The following SRRM1 variants were observed in gnomAD, a reference collection of about 807,000 sequenced individuals.
The protein encoded by SRRM1 is serine and arginine repetitive matrix 1.
A neutral mutation model predicts 110.2 loss-of-function variants in SRRM1; 19 were observed. The observed-to-expected ratio is 0.17, with a 90% CI of 0.12 to 0.25. The LOEUF (loss-of-function observed/expected upper bound fraction) is 0.25, where lower values mean the gene tolerates loss of function less well. SRRM1 is among the 10% of genes least tolerant of loss of function. SRRM1 has a pLI of 1.00. For synonymous variants in SRRM1, 443 were observed against 414.9 expected (o/e 1.07, Z -0.82); for missense variants, 918 against 1,145.8 (o/e 0.80, Z 2.87).
intron 3 of SRRM1, chr1:24,648,570 G>T (rs1017114778): frequency 8.0e-6 from 2 of 250,676 alleles, no homozygotes; most frequent in Non-Finnish European, 1.5e-5. Context: ...TAAATGTAAG[G>T]CCCACTAACA....
At chr1:24,645,001 T>C (rs963318077) in intron 1 of SRRM1, among the ~76,000 whole-genome samples, 1 of 152,192 alleles carries the variant, frequency 6.6e-6, no homozygotes, top group Non-Finnish European at 1.5e-5. Context: ...AGTTAAAATA[T>C]TTTAGGGTCA....
At chr1:24,666,761 T>TCA (rs1670200969) in intron 12 of SRRM1, 54 bp from the exon 13 acceptor site, 36 of 1,414,688 alleles carry the variant, frequency 2.5e-5, no homozygotes, top group East Asian at 2.2e-4. Context: ...TGAGACGCCA[T>TCA]CACACACACA....
chr1:24,645,907 G>A, intron 1 of SRRM1, 77 bp from the exon 2 acceptor site: 3 of 1,150,050 alleles, frequency 2.6e-6, no homozygotes, highest in Non-Finnish European at 3.8e-6. Flanking sequence ...CCCTATTTTG[G>A]CTATAAAGGT....
At chr1:24,655,204 T>C in intron 9 of SRRM1, 75 bp downstream of exon 9, 1 of 1,494,954 alleles carries the variant, frequency 6.7e-7, no homozygotes, top group Non-Finnish European at 9.2e-7. Flanking sequence ...TGCCCCCTGC[T>C]CACTCTCAAA....
intron 4 of SRRM1, among the ~76,000 whole-genome samples, chr1:24,649,530 A>G (rs1335906362): frequency 2.6e-5 from 4 of 152,140 alleles, no homozygotes; most frequent in Non-Finnish European, 4.4e-5. Context: ...TGTTGGCCAG[A>G]CTTGTCTCGA....
chr1:24,660,201 G>A (rs914406633), intron 9 of SRRM1, among the ~76,000 whole-genome samples: 1 of 152,204 alleles, frequency 6.6e-6, no homozygotes, highest in Non-Finnish European at 1.5e-5. Flanking sequence ...GAGTGTGGGT[G>A]TGGAGGGTGT....
intron 12 of SRRM1, 151 bp downstream of exon 12, chr1:24,662,955 G>GTT (rs1463714517): frequency 1.7e-6 from 2 of 1,170,184 alleles, no homozygotes; most frequent in African/African-American, 3.1e-5. Context: ...GTTTTGTTTT[G>GTT]TTTTTGCTTT....
intron 1 of SRRM1, chr1:24,643,723 A>C: frequency 3.7e-6 from 1 of 271,658 alleles, no homozygotes; most frequent in Non-Finnish European, 6.9e-6. Context: ...GGCCAAAGGA[A>C]AGCCCTAAGG....
intron 4 of SRRM1, 114 bp downstream of exon 4, chr1:24,649,143 A>G: frequency 1.1e-6 from 1 of 950,694 alleles, no homozygotes; most frequent in East Asian, 2.5e-5. Context: ...GCTTTGCTGT[A>G]CTGTATTTAA....
rs895868736 is a variant in SRRM1 at position 24,663,641 on chromosome 1, A to G, written c.1628+837A>G. On this transcript the variant is annotated intron_variant, in intron 12 of 16. Transcript: ENST00000323848. ...AAAACTAGGGAGAAACTTTAGAAAT[A>G]TTAAAAGTGAGAGGATCACGAGGTC... Among the ~76,000 whole-genome samples the G allele has an allele frequency of 3.3e-5, 5 of 152,124 alleles. No homozygotes were observed. In the East Asian group the frequency reaches 5.8e-4, roughly 18 times the overall value.
In SRRM1 at chr1:24,663,032, A is replaced by G. The variant is rs910907529; in HGVS notation, c.1628+228A>G. ...AAACCACCATGTCATATATGTGTGC[A>G]TGATTAGAAAAATAAACCAAACTAT... On this transcript the variant is annotated intron_variant, in intron 12 of 16. Transcript: ENST00000323848. 1.3e-5 allele frequency: 12 copies of G among 910,690 alleles called. No homozygotes were observed. In the African/African-American group the frequency reaches 1.7e-4, roughly 13 times the overall value. 56.4% of individuals were successfully genotyped at this position (910,690 alleles called of 1,614,324 possible).
intron 3 of SRRM1, 151 bp downstream of exon 3, chr1:24,646,940 G>T (rs1658017814): frequency 6.7e-6 from 4 of 597,314 alleles, no homozygotes; most frequent in Admixed American, 3.9e-5. Flanking sequence ...AACTATTAAG[G>T]CTGGAAGTTT....
chr1:24,648,656 G>C (rs1658832112), intron 3 of SRRM1: 1 of 479,882 alleles, frequency 2.1e-6, no homozygotes, highest in South Asian at 3.9e-5. Context: ...TAGAGTGAGA[G>C]AGAATTTGGT....
In SRRM1 at chr1:24,672,316, A is replaced by C; in HGVS notation, c.*30A>C. 1 of 1,512,610 alleles carries C rather than the reference A, an allele frequency of 6.6e-7. No individual in the cohort carries two copies. The highest frequency in any genetic ancestry group is 9.0e-7 in the Non-Finnish European group (1 of 1,107,884). 93.7% of individuals were successfully genotyped at this position (1,512,610 alleles called of 1,614,324 possible). A position where few individuals can be genotyped will look rare whatever the true frequency, so the allele number is the denominator to read the frequency against. ...AAATGTTTGTTATGATGTAAATTTT[A>C]TTTGGTTTGTACGCAGTTCAATTTC... On this transcript the variant is annotated 3_prime_UTR_variant, in exon 17 of 17. Transcript: ENST00000323848.
At chr1:24,653,893 A>C (rs1344131086) in intron 8 of SRRM1, among the ~76,000 whole-genome samples, 1 of 152,198 alleles carries the variant, frequency 6.6e-6, no homozygotes, top group African/African-American at 2.4e-5. Context: ...TTTGGAAATA[A>C]AGAGGGGAAA....
At chr1:24,649,507 C>T (rs768694681) in intron 4 of SRRM1, among the ~76,000 whole-genome samples, 19 of 152,102 alleles carry the variant, frequency 1.2e-4, no homozygotes, top group Non-Finnish European at 2.4e-4. Flanking sequence ...TTAGTACAGA[C>T]GGGATTTTGC....
At chr1:24,669,056 G>A (rs1671453728) in intron 13 of SRRM1, 67 bp from the exon 14 acceptor site, 20 of 1,379,450 alleles carry the variant, frequency 1.4e-5, no homozygotes, top group Non-Finnish European at 1.9e-5. Context: ...CAAACCTACT[G>A]ATTACTTTTC....
At chr1:24,646,297 G>A (rs1198526254) in intron 2 of SRRM1, among the ~76,000 whole-genome samples, 2 of 152,204 alleles carry the variant, frequency 1.3e-5, no homozygotes, top group Non-Finnish European at 2.9e-5. Flanking sequence ...GGAGGCCGAG[G>A]CGGGCAAATC....
intron 9 of SRRM1, among the ~76,000 whole-genome samples, chr1:24,658,012 T>C (rs1378367148): frequency 6.6e-6 from 1 of 152,170 alleles, no homozygotes; most frequent in Non-Finnish European, 1.5e-5. Context: ...AAAGTTGCCT[T>C]CTACGATTTC....
Sources: allele counts gnomAD v4.1 joint callset (sites outside exome capture counted in the v4.1 genomes callset), GRCh38; gene constraint gnomAD v4.1.1; transcripts MANE v1.5; gene names NCBI Gene and HGNC (gene_info 2026-07-23, HGNC 2026-07-21).